Variants in DPP6 observed in about 807,000 individuals in gnomAD.
DPP6 encodes dipeptidyl peptidase like 6.
DPP6 carries 69 observed loss-of-function variants against 122.6 expected under a neutral mutation model. That is an observed-to-expected ratio of 0.56 (90% CI 0.46 to 0.69). The LOEUF (loss-of-function observed/expected upper bound fraction) is 0.69, where lower values mean the gene tolerates loss of function less well. Among genes scored for constraint, DPP6 ranks in the 30% least tolerant of loss-of-function variants. The pLI is 0.00. For synonymous variants in DPP6, 418 were observed against 433.1 expected (o/e 0.97, Z 0.43); for missense variants, 928 against 1,116.9 (o/e 0.83, Z 2.41).
At chr7:154,741,193 C>T (rs895577832) in intron 8 of DPP6, among the ~76,000 whole-genome samples, 1 of 152,224 alleles carries the variant, frequency 6.6e-6, no homozygotes, top group East Asian at 1.9e-4. Context: ...TCATGCTCTT[C>T]TGTCTGGGTT....
chr7:153,884,987 A>AT (rs1798852668), upstream of DPP6, among the ~76,000 whole-genome samples: 10 of 116,458 alleles, frequency 8.6e-5, no homozygotes, highest in East Asian at 2.8e-4. Context: ...TCAAAACAAA[A>AT]ATATATATAT....
chr7:153,965,685 T>C (rs1585102754), intron 1 of DPP6, among the ~76,000 whole-genome samples: 2 of 152,146 alleles, frequency 1.3e-5, no homozygotes, highest in African/African-American at 4.8e-5. Context: ...GCTAATTTTT[T>C]GTATTTTTAG....
the DPP6 span, among the ~76,000 whole-genome samples, chr7:153,773,285 G>GTGTGTGTGTGTGTGTC: frequency 7.0e-6 from 1 of 143,680 alleles, no homozygotes; most frequent in Non-Finnish European, 1.5e-5. Context: ...GTGTGTGTGT[G>GTGTGTGTGTGTGTGTC]TGTGTGTCTG....
At chr7:154,098,316 C>G (rs1289605019) in intron 1 of DPP6, among the ~76,000 whole-genome samples, 1 of 152,154 alleles carries the variant, frequency 6.6e-6, no homozygotes, top group Admixed American at 6.5e-5. Context: ...TTCCTGAGGC[C>G]TCCCCAGCCA....
At chr7:154,379,897 A>G (rs562362083) in intron 1 of DPP6, among the ~76,000 whole-genome samples, 3 of 152,324 alleles carry the variant, frequency 2.0e-5, no homozygotes, top group South Asian at 2.1e-4. Flanking sequence ...CCAAAATGCC[A>G]CTTATGTACA....
intron 3 of DPP6, among the ~76,000 whole-genome samples, chr7:154,516,205 T>A (rs1563790517): frequency 6.6e-6 from 1 of 151,828 alleles, no homozygotes; most frequent in Non-Finnish European, 1.5e-5. Flanking sequence ...CCTGGAAGGG[T>A]GTTTTCCTGC....
At chr7:153,990,663 G>C (rs1289012069) in intron 1 of DPP6, among the ~76,000 whole-genome samples, 10 of 151,868 alleles carry the variant, frequency 6.6e-5, no homozygotes, top group African/African-American at 2.2e-4. Context: ...CATTGCTCTT[G>C]TTTTAATGGT....
chr7:154,062,793 T>G (rs1414490630), intron 1 of DPP6, among the ~76,000 whole-genome samples: 1 of 102,304 alleles, frequency 9.8e-6, no homozygotes, highest in Admixed American at 9.8e-5. Context: ...CACTGGCTCT[T>G]AGGACCCCCA....
chr7:154,492,138 C>G (rs1263253280), intron 3 of DPP6, among the ~76,000 whole-genome samples: 1 of 152,132 alleles, frequency 6.6e-6, no homozygotes. Flanking sequence ...ATAAGACAAG[C>G]TTTGTACCTT....
At chr7:154,561,826 A>G (rs1183456625) in intron 4 of DPP6, among the ~76,000 whole-genome samples, 6 of 152,216 alleles carry the variant, frequency 3.9e-5, no homozygotes, top group African/African-American at 1.2e-4. Flanking sequence ...ACATATTAAT[A>G]ATTTGGACAA....
intron 6 of DPP6, among the ~76,000 whole-genome samples, chr7:154,647,832 T>C (rs1338368532): frequency 6.6e-6 from 1 of 152,178 alleles, no homozygotes; most frequent in Admixed American, 6.5e-5. Context: ...AGAGAGCTGT[T>C]GACATCCTGG....
intron 1 of DPP6, among the ~76,000 whole-genome samples, chr7:154,212,583 C>T (rs760679000): frequency 3.9e-5 from 6 of 152,046 alleles, no homozygotes; most frequent in African/African-American, 1.4e-4. Flanking sequence ...CTGGGAGAGC[C>T]GGGGAGCATG....
chr7:154,759,529 G>A (rs577527883), intron 8 of DPP6, among the ~76,000 whole-genome samples: 13 of 152,320 alleles, frequency 8.5e-5, no homozygotes, highest in South Asian at 4.1e-4. Context: ...CTTTCCTTCC[G>A]CTTCCCTCTC....
At chr7:154,634,671 C>CGTCT (rs1461555452) in intron 5 of DPP6, among the ~76,000 whole-genome samples, 2 of 151,152 alleles carry the variant, frequency 1.3e-5, no homozygotes, top group Non-Finnish European at 3.0e-5. Context: ...TCCTCCTCTT[C>CGTCT]CCCTTCTCCT....
At chr7:154,800,658 T>A (rs547676194) in intron 12 of DPP6, among the ~76,000 whole-genome samples, 6 of 152,298 alleles carry the variant, frequency 3.9e-5, no homozygotes, top group African/African-American at 1.4e-4. Flanking sequence ...TGATTCTGTT[T>A]CCAGGGAAAA....
intron 1 of DPP6, among the ~76,000 whole-genome samples, chr7:154,004,276 G>A (rs1385636494): frequency 6.6e-6 from 1 of 152,230 alleles, no homozygotes; most frequent in Non-Finnish European, 1.5e-5. Flanking sequence ...CACAGCTACT[G>A]GAGGAGCAGC....
intron 1 of DPP6, among the ~76,000 whole-genome samples, chr7:154,390,717 G>A (rs989548680): frequency 7.9e-5 from 12 of 152,222 alleles, no homozygotes; most frequent in Admixed American, 5.2e-4. Flanking sequence ...CTGGGCCATC[G>A]CCGCCGTCTT....
intron 1 of DPP6, among the ~76,000 whole-genome samples, chr7:154,310,769 A>C (rs530678482): frequency 2.6e-5 from 4 of 152,098 alleles, no homozygotes; most frequent in Non-Finnish European, 5.9e-5. Context: ...CACTTAGAGG[A>C]ATGAACAGCG....
chr7:154,277,136 G>A (rs958919074), intron 1 of DPP6, among the ~76,000 whole-genome samples: 1 of 152,146 alleles, frequency 6.6e-6, no homozygotes. Flanking sequence ...ACCCAGCTAG[G>A]AACATGTGTG....
Sources: gnomAD v4.1 joint callset for allele counts (sites outside exome capture counted in the v4.1 genomes callset) on GRCh38, gnomAD v4.1.1 for gene constraint, MANE v1.5 for transcripts, NCBI Gene and HGNC (gene_info 2026-07-23, HGNC 2026-07-21) for gene names.